The following UBE2W variants were observed in gnomAD, a reference collection of about 807,000 sequenced individuals.
UBE2W encodes ubiquitin conjugating enzyme E2 W, also known as ubiquitin-conjugating enzyme E2 W.
A neutral mutation model predicts 27.2 loss-of-function variants in UBE2W; 18 were observed. The ratio of observed to expected loss-of-function variants is 0.66; its 90% CI spans 0.46 to 0.98. The LOEUF (loss-of-function observed/expected upper bound fraction) is 0.98, where lower values mean the gene tolerates loss of function less well. UBE2W is among the 50% of genes least tolerant of loss of function. The pLI, the probability that UBE2W is intolerant of heterozygous loss-of-function variation, is 0.00. For synonymous variants in UBE2W, 53 were observed against 57.2 expected (o/e 0.93, Z 0.33); for missense variants, 90 against 180.2 (o/e 0.50, Z 2.87).
intron 1 of UBE2W, among the ~76,000 whole-genome samples, chr8:73,871,877 G>A (rs113595682): frequency 8.6e-5 from 13 of 151,904 alleles, no homozygotes; most frequent in African/African-American, 2.7e-4. Flanking sequence ...GGAGTGCAGC[G>A]GCACTTTATT....
At chr8:73,796,624 T>C (rs1808432266) in intron 5 of UBE2W, 1 of 984,296 alleles carries the variant, frequency 1.0e-6, no homozygotes, top group Non-Finnish European at 1.2e-6. Context: ...TACCCTCGTT[T>C]TGAAGAAACA....
In UBE2W at chr8:73,869,236, G is replaced by A. The variant is rs1018912360; in HGVS notation, c.15+9572C>T. 5.9e-5 allele frequency among the ~76,000 whole-genome samples: 9 copies of A among 152,148 alleles called. No individual in the cohort carries two copies. The East Asian group carries it at 9.6e-4, about 16-fold the overall frequency. ...GACTGGGAGTTTCAAGATCAGCCTC[G>A]GCAACACAGTGAATCTGTCTATATA... On this transcript the variant is annotated intron_variant, in intron 1 of 5. Coordinates refer to ENST00000602593, the MANE Select transcript of UBE2W (RefSeq NM_018299.6).
intron 5 of UBE2W, among the ~76,000 whole-genome samples, chr8:73,804,397 A>C (rs1808781095): frequency 6.6e-6 from 1 of 152,038 alleles, no homozygotes; most frequent in South Asian, 2.1e-4. Context: ...AAGAATACAG[A>C]CTTTTTGTTT....
chr8:73,868,282 A>G lies in UBE2W; in HGVS notation c.15+10526T>C, dbSNP rs935318644. The stretch of plus-strand genomic sequence containing the variant: ...TCATGCCTAAGTAATGAAGCCTTGT[A>G]AAAACCCGAAAGGAGAGTTTGGAGA... On this transcript the variant is annotated intron_variant, in intron 1 of 5. Transcript: ENST00000602593. Among the ~76,000 whole-genome samples the G allele has an allele frequency of 4.6e-5, 7 of 152,328 alleles. No individual in the cohort carries two copies. In the South Asian group the frequency reaches 6.2e-4, roughly 14 times the overall value.
At chr8:73,854,259 C>A (rs1811196216) in intron 1 of UBE2W, among the ~76,000 whole-genome samples, 1 of 151,640 alleles carries the variant, frequency 6.6e-6, no homozygotes, top group Non-Finnish European at 1.5e-5. Flanking sequence ...AATACAAATG[C>A]CTAGGAGTAA....
chr8:73,871,449 C>T (rs922793775), intron 1 of UBE2W, among the ~76,000 whole-genome samples: 7 of 152,174 alleles, frequency 4.6e-5, no homozygotes, highest in African/African-American at 1.7e-4. Context: ...TGCAATATAG[C>T]TTTTTAAAAA....
intron 1 of UBE2W, among the ~76,000 whole-genome samples, chr8:73,844,610 C>T (rs936774250): frequency 2.0e-5 from 3 of 151,660 alleles, no homozygotes; most frequent in Admixed American, 6.6e-5. Context: ...GGCCGCCCAT[C>T]GTCTGGGATG....
At chr8:73,844,676 G>A (rs897192986) in intron 1 of UBE2W, among the ~76,000 whole-genome samples, 4 of 150,950 alleles carry the variant, frequency 2.6e-5, no homozygotes, top group African/African-American at 4.9e-5. Context: ...GCCTCTTCCC[G>A]GCCGTCATCT....
intron 1 of UBE2W, among the ~76,000 whole-genome samples, chr8:73,857,747 T>A (rs1326189893): frequency 6.6e-6 from 1 of 151,658 alleles, no homozygotes; most frequent in Non-Finnish European, 1.5e-5. Context: ...ACCCGGGAGG[T>A]GGAGGTTGCA....
intron 1 of UBE2W, among the ~76,000 whole-genome samples, chr8:73,867,377 A>C (rs1811821370): frequency 6.6e-6 from 1 of 152,152 alleles, no homozygotes. Context: ...TCTACTAAAA[A>C]TACAAAAATT....
chr8:73,805,474 A>AAAAAAAAAAC (rs1563578043), intron 5 of UBE2W, among the ~76,000 whole-genome samples, 177 bp downstream of exon 5: 1 of 144,334 alleles, frequency 6.9e-6, no homozygotes, highest in African/African-American at 2.5e-5. Context: ...AAAAAAAACA[A>AAAAAAAAAAC]AAAAAACTAG....
At chr8:73,798,604 A>G (rs938085743) in intron 5 of UBE2W, among the ~76,000 whole-genome samples, 2 of 152,204 alleles carry the variant, frequency 1.3e-5, no homozygotes, top group Non-Finnish European at 2.9e-5. Context: ...TATGAAACTA[A>G]GTTGTATATG....
chr8:73,788,375 T>A lies in UBE2W; in HGVS notation c.*5727A>T, dbSNP rs192582881. 2 of 985,388 alleles carry A rather than the reference T, an allele frequency of 2.0e-6. No homozygotes were observed. The highest frequency in any genetic ancestry group is 6.1e-5 in the Admixed American group (1 of 16,274). The allele number at this position is 985,388 out of a possible 1,614,324, so 61.0% of individuals were successfully genotyped here. A position where few individuals can be genotyped will look rare whatever the true frequency, so the allele number is the denominator to read the frequency against. On this transcript the variant is annotated 3_prime_UTR_variant, in exon 6 of 6. Coordinates refer to ENST00000602593, the MANE Select transcript of UBE2W (RefSeq NM_018299.6). ...TCATTCCTATTAATAAAATGCACAC[T>A]CTGTAGTTCTGAATAATAAAAGGAA...
rs377548162 is a variant in UBE2W at position 73,874,479 on chromosome 8, C to A, written c.15+4329G>T. Among the ~76,000 whole-genome samples the A allele has an allele frequency of 5.3e-4, 81 of 151,958 alleles. No homozygotes were observed. In the East Asian group the frequency reaches 9.5e-3, roughly 18 times the overall value. On this transcript the variant is annotated intron_variant, in intron 1 of 5. Coordinates refer to ENST00000602593, the MANE Select transcript of UBE2W (RefSeq NM_018299.6). ...TTAAAAAAGCATTTAACAACAACAA[C>A]AAAAAATTCAATTTTAGGATTCACC...
At chr8:73,821,451 C>A (rs181373908) in intron 3 of UBE2W, among the ~76,000 whole-genome samples, 19 of 148,852 alleles carry the variant, frequency 1.3e-4, no homozygotes, top group Admixed American at 1.2e-3. Context: ...AGGAAATAAA[C>A]ATTAAGAGGT....
At chr8:73,795,265 G>A (rs976076540) in intron 5 of UBE2W, among the ~76,000 whole-genome samples, 5 of 152,162 alleles carry the variant, frequency 3.3e-5, no homozygotes, top group Non-Finnish European at 5.9e-5. Context: ...GGAGGTGTTC[G>A]GGTCATGGGG....
chr8:73,805,455 A>AAAAAAAAAAAACAAAC (rs1491310608), intron 5 of UBE2W, among the ~76,000 whole-genome samples, 196 bp downstream of exon 5: 1 of 29,524 alleles, frequency 3.4e-5, no homozygotes, highest in African/African-American at 7.6e-5. Context: ...ACTCCATCTC[A>AAAAAAAAAAAACAAAC]AAAAAAAAAA....
chr8:73,782,548 C>A (rs575675602), downstream of UBE2W, among the ~76,000 whole-genome samples: 1 of 151,996 alleles, frequency 6.6e-6, no homozygotes, highest in African/African-American at 2.4e-5. Context: ...TCAGCATAAC[C>A]GAGATTTATC....
intron 4 of UBE2W, among the ~76,000 whole-genome samples, chr8:73,808,536 AAC>A (rs1392183172): frequency 6.6e-6 from 1 of 152,178 alleles, no homozygotes; most frequent in African/African-American, 2.4e-5. Context: ...CCTGGCCTAA[AAC>A]ACTTTTTAAG....
Sources: allele counts gnomAD v4.1 joint callset (sites outside exome capture counted in the v4.1 genomes callset), GRCh38; gene constraint gnomAD v4.1.1; transcripts MANE v1.5; gene names NCBI Gene and HGNC (gene_info 2026-07-23, HGNC 2026-07-21).